The following TMEM233 variants were observed in gnomAD, a reference collection of about 807,000 sequenced individuals.
TMEM233 encodes dispanin subfamily B member 2.
Under a neutral mutation model 11.2 loss-of-function variants are expected in TMEM233, and 6 were observed. The observed-to-expected ratio is 0.54, with a 90% CI of 0.29 to 1.06. TMEM233 has a LOEUF of 1.06. Among genes scored for constraint, TMEM233 ranks in the 50% least tolerant of loss-of-function variants. The pLI, the probability that TMEM233 is intolerant of heterozygous loss-of-function variation, is 0.08. For missense variants in TMEM233, 127 were observed against 144.7 expected, an observed-to-expected ratio of 0.88 and a Z score of 0.63; for synonymous variants, 59 against 55.8, an observed-to-expected ratio of 1.06 and a Z score of -0.26.
chr12:119,629,735 G>C lies in TMEM233; in HGVS notation c.187-1G>C. On this transcript the variant is annotated splice_acceptor_variant, in intron 1 of 2. Coordinates refer to ENST00000426426, the MANE Select transcript of TMEM233 (RefSeq NM_001136534.3). LOFTEE classifies it high-confidence loss of function. ...ACCAGCTCTTCCCTTCTGTCCCCCA[G>C]TCTCTGAACAGCTACAACGATGGAG... 6.5e-7 allele frequency: 1 copy of C among 1,550,200 alleles called. No homozygotes were observed.
intron 1 of TMEM233, among the ~76,000 whole-genome samples, chr12:119,605,066 A>G (rs137964315): frequency 1.3e-4 from 19 of 147,652 alleles, no homozygotes; most frequent in African/African-American, 4.0e-4. Context: ...CCTTTGTATC[A>G]TATCTTCTAT....
At chr12:119,610,273 A>T (rs1022913327) in intron 1 of TMEM233, among the ~76,000 whole-genome samples, 2 of 152,126 alleles carry the variant, frequency 1.3e-5, no homozygotes, top group Non-Finnish European at 2.9e-5. Flanking sequence ...CTAGGAAGTG[A>T]CTTACTTGCT....
At chr12:119,597,756 G>A (rs1954076105) in intron 1 of TMEM233, among the ~76,000 whole-genome samples, 1 of 152,148 alleles carries the variant, frequency 6.6e-6, no homozygotes, top group Admixed American at 6.5e-5. Flanking sequence ...ATGTTGATGG[G>A]TCAAGCATTG....
chr12:119,610,522 C>A (rs1272492542), intron 1 of TMEM233, among the ~76,000 whole-genome samples: 1 of 152,154 alleles, frequency 6.6e-6, no homozygotes, highest in African/African-American at 2.4e-5. Flanking sequence ...ATAAGCCCCA[C>A]CTGTCATGGG....
intron 1 of TMEM233, among the ~76,000 whole-genome samples, chr12:119,603,332 A>G (rs978397678): frequency 7.2e-5 from 11 of 152,194 alleles, no homozygotes; most frequent in African/African-American, 2.7e-4. Context: ...CTAAGTCATT[A>G]TCCGCCCAGA....
chr12:119,622,773 G>A (rs577055131), intron 1 of TMEM233, among the ~76,000 whole-genome samples: 41 of 152,180 alleles, frequency 2.7e-4, no homozygotes, highest in African/African-American at 8.7e-4. Flanking sequence ...AGATCTACCC[G>A]TGGGCAGCCC....
Position 119,593,811 on chromosome 12 carries a change from T to C in TMEM233, c.-38T>C. On this transcript the variant is annotated 5_prime_UTR_variant, in exon 1 of 3. Coordinates refer to ENST00000426426, the MANE Select transcript of TMEM233 (RefSeq NM_001136534.3). This position sits in a 1 kb window ranked among gnomAD's most constrained non-coding sequence, Gnocchi z 4.1. ...CCAGAGCCCCAGACCACACAGACCG[T>C]GCGCTCCTCCGCCCTCCCGGCGCCG... The C allele has an allele frequency of 1.9e-6, 3 of 1,544,212 alleles. No individual in the cohort carries two copies. Among genetic ancestry groups the C allele is most frequent in the Non-Finnish European group, 1.8e-6 (2 of 1,142,448 alleles).
chr12:119,625,921 C>T (rs1374725431), intron 1 of TMEM233, among the ~76,000 whole-genome samples: 2 of 152,054 alleles, frequency 1.3e-5, no homozygotes, highest in African/African-American at 2.4e-5. Context: ...CCAATTATCC[C>T]GAAGATATCT....
intron 1 of TMEM233, among the ~76,000 whole-genome samples, chr12:119,626,238 G>A (rs111707556): frequency 0.017 from 2,521 of 152,234 alleles, 65 homozygotes; most frequent in African/African-American, 0.057. Flanking sequence ...CTGAGAGGCC[G>A]AGGCAAGTGG....
chr12:119,602,130 G>A (rs12579854), intron 1 of TMEM233, among the ~76,000 whole-genome samples: 115,842 of 152,040 alleles, frequency 0.76, 44,255 homozygotes, highest in Middle Eastern at 0.86. Context: ...AGGATGAAAA[G>A]CAAAACAAAC....
Position 119,640,855 on chromosome 12 carries a change from A to C in TMEM233, c.*150A>C. 1 of 566,210 alleles carries C rather than the reference A, an allele frequency of 1.8e-6. No individual in the cohort carries two copies. The highest frequency in any genetic ancestry group is 5.0e-5 in the Admixed American group (1 of 19,912). The allele number at this position is 566,210 out of a possible 1,614,324, so 35.1% of individuals were successfully genotyped here. A position where few individuals can be genotyped will look rare whatever the true frequency, so the allele number is the denominator to read the frequency against. ...GAGGCAGGTCCCTGGCAAATGAACA[A>C]GAAAAAAAAAAAAAAAAAGTCCAAA... is the stretch of plus-strand genomic sequence containing the variant. On this transcript the variant is annotated 3_prime_UTR_variant, in exon 3 of 3. Coordinates refer to ENST00000426426, the MANE Select transcript of TMEM233 (RefSeq NM_001136534.3).
chr12:119,629,496 C>T (rs10774507), intron 1 of TMEM233, among the ~76,000 whole-genome samples: 116,445 of 152,014 alleles, frequency 0.77, 44,781 homozygotes, highest in Middle Eastern at 0.85. Flanking sequence ...AATCTTGTTA[C>T]GTAAATGCTA....
chr12:119,597,419 G>C (rs4767830), intron 1 of TMEM233, among the ~76,000 whole-genome samples: 55,790 of 151,652 alleles, frequency 0.37, 11,787 homozygotes, highest in East Asian at 0.56. Context: ...TATAAACATG[G>C]ATGTGTGGAA....
At chr12:119,598,421 A>G (rs1441449020) in intron 1 of TMEM233, among the ~76,000 whole-genome samples, 2 of 152,220 alleles carry the variant, frequency 1.3e-5, no homozygotes, top group South Asian at 4.1e-4. Context: ...ACAATAACCA[A>G]TGACTTTTGA....
Position 119,594,273 on chromosome 12 carries a change from G to T in TMEM233, c.186+239G>T. The stretch of plus-strand genomic sequence containing the variant: ...AGAGCCCTGATCAAGCTTCCCCCAG[G>T]CTAGCTTTCCTCTTCTTTCCAGCTC... On this transcript the variant is annotated intron_variant, in intron 1 of 2. Transcript: ENST00000426426. The surrounding 1 kb of genome is among the most constrained non-coding windows in gnomAD (Gnocchi z 5.6). 4.1e-6 allele frequency: 2 copies of T among 493,060 alleles called. No homozygotes were observed. Among genetic ancestry groups the T allele is most frequent in the Non-Finnish European group, 7.2e-6 (2 of 279,012 alleles). 30.5% of individuals were successfully genotyped at this position (493,060 alleles called of 1,614,324 possible). A position where few individuals can be genotyped will look rare whatever the true frequency, so the allele number is the denominator to read the frequency against.
At chr12:119,622,446 C>G (rs988821123) in intron 1 of TMEM233, among the ~76,000 whole-genome samples, 5 of 152,130 alleles carry the variant, frequency 3.3e-5, no homozygotes, top group African/African-American at 1.2e-4. Context: ...CTAGTTCTTC[C>G]ACACCAGATG....
chr12:119,612,675 CGGGA>C (rs1954425522), intron 1 of TMEM233, among the ~76,000 whole-genome samples: 1 of 147,388 alleles, frequency 6.8e-6, no homozygotes, highest in South Asian at 2.2e-4. Context: ...TGGCATGAAC[CGGGA>C]GGCGGAGGTT....
chr12:119,605,677 C>A (rs932449313), intron 1 of TMEM233, among the ~76,000 whole-genome samples: 2 of 152,030 alleles, frequency 1.3e-5, no homozygotes, highest in Non-Finnish European at 2.9e-5. Flanking sequence ...GATCTACCCC[C>A]CTCAGCCTCC....
chr12:119,613,008 C>T (rs796335279), intron 1 of TMEM233, among the ~76,000 whole-genome samples: 25 of 151,970 alleles, frequency 1.6e-4, no homozygotes, highest in African/African-American at 4.8e-4. Flanking sequence ...ATGTGCACAA[C>T]GTGCAGGCTT....
Sources: gnomAD v4.1 joint callset for allele counts (sites outside exome capture counted in the v4.1 genomes callset) on GRCh38, gnomAD v4.1.1 for gene constraint, Gnocchi (gnomAD v3.1) non-coding constraint, MANE v1.5 for transcripts, NCBI Gene and HGNC (gene_info 2026-07-23, HGNC 2026-07-21) for gene names.